TBC1D12: variants seen among roughly 807,000 people sequenced by gnomAD.
TBC1D12 encodes TBC1 domain family, member 12.
TBC1D12 carries 56 observed loss-of-function variants against 86.7 expected under a neutral mutation model. The observed-to-expected ratio is 0.65, with a 90% CI of 0.52 to 0.81. The LOEUF is 0.81. Ranked by LOEUF, TBC1D12 falls within the 30% of genes least tolerant of loss-of-function variation. The pLI, the probability that TBC1D12 is intolerant of heterozygous loss-of-function variation, is 0.00. For missense variants in TBC1D12, 1,023 were observed against 1,038.8 expected (o/e 0.98, Z 0.21); for synonymous variants, 421 against 411.7 (o/e 1.02, Z -0.27).
intron 1 of TBC1D12, among the ~76,000 whole-genome samples, chr10:94,405,067 A>T (rs1020677696): frequency 6.7e-6 from 1 of 149,744 alleles, no homozygotes; most frequent in African/African-American, 2.4e-5. Flanking sequence ...AAAAAAAGGC[A>T]GTTTTCCTTG....
At chr10:94,529,875 A>G (rs1236422328) in intron 11 of TBC1D12, among the ~76,000 whole-genome samples, 1 of 152,180 alleles carries the variant, frequency 6.6e-6, no homozygotes, top group East Asian at 1.9e-4. Flanking sequence ...ACTGTATACT[A>G]GAACCTGAGC....
chr10:94,524,750 T>C (rs564082749), intron 11 of TBC1D12, among the ~76,000 whole-genome samples: 2 of 151,704 alleles, frequency 1.3e-5, no homozygotes, highest in South Asian at 4.2e-4. Context: ...AAAAAAGATA[T>C]GTACTGTAAT....
chr10:94,474,576 C>T, intron 2 of TBC1D12, 92 bp from the exon 3 acceptor site: 1 of 895,746 alleles, frequency 1.1e-6, no homozygotes. Flanking sequence ...ATGTATCCCT[C>T]ATTATAGCAT....
At chr10:94,413,277 T>G (rs1202464254) in intron 1 of TBC1D12, among the ~76,000 whole-genome samples, 3 of 152,234 alleles carry the variant, frequency 2.0e-5, no homozygotes, top group Admixed American at 2.0e-4. Context: ...TCCTTTTTAT[T>G]AATGGGAAAA....
chr10:94,528,473 A>G (rs1842350649), intron 11 of TBC1D12, among the ~76,000 whole-genome samples: 1 of 152,166 alleles, frequency 6.6e-6, no homozygotes, highest in South Asian at 2.1e-4. Context: ...TAGATTATAG[A>G]ATGGTGGGTG....
At chr10:94,505,557 A>G (rs1466256400) in intron 6 of TBC1D12, among the ~76,000 whole-genome samples, 2 of 152,206 alleles carry the variant, frequency 1.3e-5, no homozygotes, top group African/African-American at 2.4e-5. Flanking sequence ...TGGGCAACAG[A>G]GAAAGACCCT....
intron 12 of TBC1D12, among the ~76,000 whole-genome samples, chr10:94,531,759 T>TTTATTTTATGTTATTTTATTTTG (rs1842429639): frequency 4.5e-5 from 3 of 66,560 alleles, no homozygotes; most frequent in African/African-American, 1.2e-4. Flanking sequence ...GTTATTTTAT[T>TTTATTTTATGTTATTTTATTTTG]TTATTTTATT....
chr10:94,506,386 A>T (rs948294685), intron 6 of TBC1D12, among the ~76,000 whole-genome samples: 3 of 152,228 alleles, frequency 2.0e-5, no homozygotes, highest in African/African-American at 4.8e-5. Context: ...ACCTTTAAAA[A>T]TGAATAAAAT....
intron 2 of TBC1D12, among the ~76,000 whole-genome samples, chr10:94,445,179 T>A (rs1214811711): frequency 6.7e-6 from 1 of 150,096 alleles, no homozygotes; most frequent in Non-Finnish European, 1.5e-5. Context: ...ACCAACATGG[T>A]GAAACCCCGT....
At chr10:94,474,646 G>A (rs1481060278) in intron 2 of TBC1D12, 22 bp from the exon 3 acceptor site, 6 of 1,569,334 alleles carry the variant, frequency 3.8e-6, no homozygotes, top group Non-Finnish European at 5.3e-6. Context: ...TTCTGCATAA[G>A]GTATGTTTTA....
chr10:94,472,335 C>T (rs1589641573), intron 2 of TBC1D12, among the ~76,000 whole-genome samples: 1 of 152,210 alleles, frequency 6.6e-6, no homozygotes, highest in African/African-American at 2.4e-5. Context: ...TGGAGCCAAA[C>T]TGCCTGCTGG....
At chr10:94,522,239 G>T in intron 10 of TBC1D12, 105 bp from the exon 11 acceptor site, 1 of 1,159,324 alleles carries the variant, frequency 8.6e-7, no homozygotes, top group Non-Finnish European at 1.2e-6. Context: ...CTCAGAAAAA[G>T]ATGAGATTCT....
chr10:94,418,070 A>G (rs1444010850), intron 1 of TBC1D12, among the ~76,000 whole-genome samples: 1 of 152,126 alleles, frequency 6.6e-6, no homozygotes, highest in African/African-American at 2.4e-5. Flanking sequence ...TGTCTCTTCT[A>G]CTAAATGGCA....
intron 1 of TBC1D12, among the ~76,000 whole-genome samples, chr10:94,433,104 C>G (rs2055241102): frequency 6.6e-6 from 1 of 152,038 alleles, no homozygotes; most frequent in African/African-American, 2.4e-5. Flanking sequence ...ACTTGGGAGG[C>G]TGAGGCAGGA....
At chr10:94,428,305 T>A (rs937251538) in intron 1 of TBC1D12, among the ~76,000 whole-genome samples, 10 of 149,232 alleles carry the variant, frequency 6.7e-5, no homozygotes, top group East Asian at 5.9e-4. Context: ...TTTTTTTTTT[T>A]AAGACAGGGT....
chr10:94,531,085 A>G (rs1360541154), intron 11 of TBC1D12, 117 bp from the exon 12 acceptor site: 2 of 1,177,578 alleles, frequency 1.7e-6, no homozygotes, highest in Non-Finnish European at 2.4e-6. Flanking sequence ...GGAAAGCCAT[A>G]TGTTATTTGC....
chr10:94,457,709 CT>C lies in TBC1D12; in HGVS notation c.1095+15692del, dbSNP rs1303055790. 2.0e-5 allele frequency among the ~76,000 whole-genome samples: 3 copies of C among 152,114 alleles called. No individual in the cohort carries two copies. The East Asian group carries it at 5.8e-4, about 29-fold the overall frequency. Reference sequence around the variant, plus strand: ...CTTTATAATTTGTTTCCAGTTTTGTCTTCCACATCTTTTCAGTCTTTAGTTT... The same window carrying C: ...CTTTATAATTTGTTTCCAGTTTTGTCTCCACATCTTTTCAGTCTTTAGTTT... On this transcript the variant is annotated intron_variant, in intron 2 of 12. Coordinates refer to ENST00000225235, the MANE Select transcript of TBC1D12 (RefSeq NM_015188.2).
At chr10:94,492,949 T>A (rs1160562209) in intron 3 of TBC1D12, among the ~76,000 whole-genome samples, 2 of 152,162 alleles carry the variant, frequency 1.3e-5, no homozygotes, top group Admixed American at 6.5e-5. Flanking sequence ...ACAAATAACC[T>A]AAAAATATTG....
chr10:94,482,832 A>G (rs2134159316), intron 3 of TBC1D12, among the ~76,000 whole-genome samples: 1 of 151,976 alleles, frequency 6.6e-6, no homozygotes, highest in East Asian at 1.9e-4. Context: ...TTAGGTAACC[A>G]TGTTTCTACT....
Sources: gnomAD v4.1 joint callset for allele counts (sites outside exome capture counted in the v4.1 genomes callset) on GRCh38, gnomAD v4.1.1 for gene constraint, MANE v1.5 for transcripts, NCBI Gene and HGNC (gene_info 2026-07-23, HGNC 2026-07-21) for gene names.